DMD: variants seen among roughly 807,000 people sequenced by gnomAD.
DMD encodes the protein dystrophin.
Under a neutral mutation model 330.1 loss-of-function variants are expected in DMD, and 63 were observed. The ratio of observed to expected loss-of-function variants is 0.19; its 90% CI spans 0.16 to 0.24. The LOEUF (loss-of-function observed/expected upper bound fraction) is 0.24. DMD is among the 10% of genes least tolerant of loss of function. The probability of loss-of-function intolerance (pLI) is 1.00; values close to 1 mark genes in which losing one functional copy is unlikely to be tolerated. For synonymous variants in DMD, 1,223 were observed against 959.8 expected, an observed-to-expected ratio of 1.27 and a Z score of -5.07; for missense variants, 3,344 against 2,684.1, an observed-to-expected ratio of 1.25 and a Z score of -5.43.
chrX:31,622,877 T>TATATATATACACAC (rs1361969125), intron 55 of DMD, among the ~76,000 whole-genome samples: 5 of 70,327 alleles, frequency 7.1e-5, no homozygotes, highest in African/African-American at 2.1e-4. Context: ...TATATATATA[T>TATATATATACACAC]ACACACACAC....
At chrX:32,408,709 C>T (rs959215311) in intron 30 of DMD, among the ~76,000 whole-genome samples, 8 of 111,541 alleles carry the variant, frequency 7.2e-5, no homozygotes, top group Non-Finnish European at 1.1e-4. Flanking sequence ...ATGAATTAAG[C>T]TAAATATACC....
At chrX:33,057,243 CT>C (rs34043843) in intron 1 of DMD, among the ~76,000 whole-genome samples, 42,585 of 109,139 alleles carry the variant, frequency 0.39, 6,861 homozygotes, top group East Asian at 0.72. Context: ...AAATGGCTCA[CT>C]TTTTTTTTCT....
chrX:33,166,318 T>A (rs1034381228), intron 1 of DMD, among the ~76,000 whole-genome samples: 1 of 110,640 alleles, frequency 9.0e-6, no homozygotes, highest in African/African-American at 3.3e-5. Context: ...ATAAGATATA[T>A]GAGAAGATGT....
chrX:32,701,533 T>A (rs1161289994), intron 7 of DMD, among the ~76,000 whole-genome samples: 1 of 111,709 alleles, frequency 9.0e-6, no homozygotes, highest in Non-Finnish European at 1.9e-5. Context: ...GACCAATTGT[T>A]TCTTATATAG....
chrX:32,502,387 T>C (rs191636749), intron 18 of DMD, among the ~76,000 whole-genome samples: 1 of 111,776 alleles, frequency 8.9e-6, no homozygotes, highest in Non-Finnish European at 1.9e-5. Flanking sequence ...AGTACTCCTA[T>C]TTCCAAGGAA....
At chrX:32,375,954 TA>T (rs1378936661) in intron 34 of DMD, among the ~76,000 whole-genome samples, 6 of 111,754 alleles carry the variant, frequency 5.4e-5, no homozygotes, top group Non-Finnish European at 1.1e-4. Context: ...GCCAAGTTTA[TA>T]AAGAACATAA....
chrX:33,235,202 T>C (rs752672418), intron 1 of DMD, among the ~76,000 whole-genome samples: 19 of 111,882 alleles, frequency 1.7e-4, no homozygotes, highest in African/African-American at 5.8e-4. Context: ...AATTAACCCC[T>C]ACACAACGTT....
intron 1 of DMD, among the ~76,000 whole-genome samples, chrX:33,108,451 C>T (rs1479392931): frequency 1.4e-5 from 1 of 69,175 alleles, no homozygotes; most frequent in Non-Finnish European, 2.7e-5. Flanking sequence ...ATTTTTAGTA[C>T]AGACGGGGTT....
intron 1 of DMD, among the ~76,000 whole-genome samples, chrX:33,303,383 C>G (rs1301458579): frequency 9.0e-6 from 1 of 111,324 alleles, no homozygotes; most frequent in African/African-American, 3.3e-5. Flanking sequence ...TAAAATAAAG[C>G]CAACATTCTT....
chrX:32,701,638 G>C (rs2064140683), intron 7 of DMD, among the ~76,000 whole-genome samples: 1 of 111,067 alleles, frequency 9.0e-6, no homozygotes, highest in African/African-American at 3.3e-5. Context: ...GCATAACTTA[G>C]AGCTCTTTCA....
intron 1 of DMD, among the ~76,000 whole-genome samples, chrX:33,163,628 C>CTATCTATCTATGTATCTATGTATG (rs779008582): frequency 1.0e-5 from 1 of 100,082 alleles, no homozygotes; most frequent in Non-Finnish European, 2.0e-5. Flanking sequence ...CTCTATCTAT[C>CTATCTATCTATGTATCTATGTATG]TATCTATCTA....
At chrX:32,745,555 TTACAGCTTCAA>T (rs2069877105) in intron 7 of DMD, among the ~76,000 whole-genome samples, 1 of 112,479 alleles carries the variant, frequency 8.9e-6, no homozygotes, top group Non-Finnish European at 1.9e-5. Context: ...TTCAAAGTGT[TTACAGCTTCAA>T]TACTGCTTGT....
At chrX:31,261,889 C>T (rs1040726199) in intron 62 of DMD, 2 of 112,043 alleles carry the variant, frequency 1.8e-5, no homozygotes, top group African/African-American at 6.5e-5. Flanking sequence ...GGCTTTGATA[C>T]AGTAAAATGC....
At chrX:31,603,244 A>G (rs776466689) in intron 55 of DMD, among the ~76,000 whole-genome samples, 1 of 111,172 alleles carries the variant, frequency 9.0e-6, no homozygotes, top group South Asian at 3.8e-4. Context: ...TCCATGAATA[A>G]ATCAATATTG....
chrX:31,596,400 TA>T (rs1440451129), intron 55 of DMD, among the ~76,000 whole-genome samples: 3 of 112,078 alleles, frequency 2.7e-5, no homozygotes. Context: ...GTTCTCTGTT[TA>T]AGCATATTAT....
At chrX:33,124,905 T>C (rs1289826570) in intron 1 of DMD, among the ~76,000 whole-genome samples, 1 of 106,930 alleles carries the variant, frequency 9.4e-6, no homozygotes, top group African/African-American at 3.4e-5. Flanking sequence ...ATGCCTGTAA[T>C]CCCAGCTACT....
chrX:31,831,889 A>T (rs996504200), intron 49 of DMD, among the ~76,000 whole-genome samples: 3 of 112,807 alleles, frequency 2.7e-5, no homozygotes, highest in Non-Finnish European at 5.6e-5. Context: ...GGCGCGAGCC[A>T]CCGCGCCCAG....
intron 44 of DMD, among the ~76,000 whole-genome samples, chrX:32,156,072 T>C (rs1314063755): frequency 9.0e-6 from 1 of 111,300 alleles, no homozygotes; most frequent in Non-Finnish European, 1.9e-5. Flanking sequence ...TAAAGTGTGC[T>C]ATTCATTCAC....
At chrX:32,821,738 A>G (rs1357100904) in intron 5 of DMD, among the ~76,000 whole-genome samples, 1 of 111,869 alleles carries the variant, frequency 8.9e-6, no homozygotes, top group East Asian at 2.8e-4. Context: ...ATATTGATAT[A>G]AAATATCCAA....
Sources: allele counts gnomAD v4.1 joint callset (sites outside exome capture counted in the v4.1 genomes callset), GRCh38; gene constraint gnomAD v4.1.1; transcripts MANE v1.5; gene names NCBI Gene and HGNC (gene_info 2026-07-23, HGNC 2026-07-21).